CACHD1: variants seen among roughly 807,000 people sequenced by gnomAD.
CACHD1 encodes the protein cache domain containing 1, also known as VWFA and cache domain-containing protein 1.
A neutral mutation model predicts 138.7 loss-of-function variants in CACHD1; 71 were observed. The ratio of observed to expected loss-of-function variants is 0.51; its 90% confidence interval spans 0.42 to 0.62. The LOEUF is 0.62. Ranked by LOEUF, CACHD1 falls within the 20% of genes least tolerant of loss-of-function variation. The pLI, the probability that CACHD1 is intolerant of heterozygous loss-of-function variation, is 0.00. For missense variants in CACHD1, 1,389 were observed against 1,625.3 expected (o/e 0.85, Z 2.50); for synonymous variants, 578 against 591.5 (o/e 0.98, Z 0.33).
chr1:64,629,492 T>A lies in CACHD1; in HGVS notation c.644+11T>A. The A allele has an allele frequency of 1.2e-6, 2 of 1,611,124 alleles. No individual in the cohort carries two copies. Among genetic ancestry groups the A allele is most frequent in the Non-Finnish European group, 1.7e-6 (2 of 1,178,968 alleles). ...CGAACACCGCAGTAGGTATGTTGAC[T>A]TGCATGCTAAAGTTTTTAATTATTG... On this transcript the variant is annotated intron_variant, in intron 5 of 26. Transcript: ENST00000651257.
At chr1:64,540,630 C>T (rs1469342614) in intron 1 of CACHD1, among the ~76,000 whole-genome samples, 2 of 152,174 alleles carry the variant, frequency 1.3e-5, no homozygotes, top group Non-Finnish European at 2.9e-5. Flanking sequence ...CCTTTGTTCT[C>T]TGGGTTCATG....
At chr1:64,599,696 A>G (rs934035073) in intron 3 of CACHD1, among the ~76,000 whole-genome samples, 1 of 152,150 alleles carries the variant, frequency 6.6e-6, no homozygotes, top group African/African-American at 2.4e-5. Flanking sequence ...GTTTTTCTTT[A>G]ATGCTGTTAG....
At chr1:64,525,490 A>T (rs1646531324) in intron 1 of CACHD1, among the ~76,000 whole-genome samples, 1 of 152,198 alleles carries the variant, frequency 6.6e-6, no homozygotes, top group Admixed American at 6.5e-5. Flanking sequence ...AAGGCAGCCC[A>T]CTTCTTATCC....
intron 1 of CACHD1, among the ~76,000 whole-genome samples, chr1:64,492,719 A>G (rs1334459582): frequency 6.6e-6 from 1 of 152,036 alleles, no homozygotes; most frequent in Non-Finnish European, 1.5e-5. Flanking sequence ...CTGTCCAGTT[A>G]TTTTTGTCTT....
chr1:64,590,285 G>A (rs375899050), intron 3 of CACHD1, among the ~76,000 whole-genome samples: 2 of 147,188 alleles, frequency 1.4e-5, no homozygotes, highest in Non-Finnish European at 3.0e-5. Context: ...TCGGCGCCAC[G>A]GCACTCCAGC....
chr1:64,588,624 C>T (rs546258767), intron 3 of CACHD1, among the ~76,000 whole-genome samples: 2 of 152,026 alleles, frequency 1.3e-5, no homozygotes, highest in Non-Finnish European at 2.9e-5. Context: ...GTGATCTACC[C>T]GCCTCAGCCT....
intron 4 of CACHD1, among the ~76,000 whole-genome samples, 180 bp downstream of exon 4, chr1:64,603,092 C>T (rs1243852614): frequency 7.1e-6 from 1 of 140,464 alleles, no homozygotes; most frequent in Admixed American, 7.4e-5. Context: ...AAAAATCAAG[C>T]TTACATCTTT....
chr1:64,509,967 C>T (rs1453173273), intron 1 of CACHD1, among the ~76,000 whole-genome samples: 1 of 152,202 alleles, frequency 6.6e-6, no homozygotes, highest in Non-Finnish European at 1.5e-5. Flanking sequence ...CCAGATAGAA[C>T]ATGCCCCACA....
At chr1:64,666,605 A>G (rs1423037468) in intron 16 of CACHD1, among the ~76,000 whole-genome samples, 1 of 152,060 alleles carries the variant, frequency 6.6e-6, no homozygotes, top group Non-Finnish European at 1.5e-5. Context: ...GGGTGGGTTC[A>G]TTGGCTCACA....
rs548465172 is a variant in CACHD1 at position 64,516,415 on chromosome 1, T to G, written c.199-34179T>G. 4.7e-4 allele frequency among the ~76,000 whole-genome samples: 71 copies of G among 152,324 alleles called. No homozygotes were observed. The South Asian group carries it at 0.014, about 31-fold the overall frequency. On this transcript the variant is annotated intron_variant, in intron 1 of 26. Coordinates refer to ENST00000651257, the MANE Select transcript of CACHD1 (RefSeq NM_020925.4). Reference sequence around the variant, plus strand: ...TCTCTAGACTTGGAACCTGTCGTACTGCCTAACAGACCAGCTTACGGTGTT... The same window carrying G: ...TCTCTAGACTTGGAACCTGTCGTACGGCCTAACAGACCAGCTTACGGTGTT...
Position 64,470,852 on chromosome 1 carries a change from A to C in CACHD1, c.108A>C (p.Glu36Asp). 1 of 1,596,170 alleles carries C rather than the reference A, an allele frequency of 6.3e-7. No individual in the cohort carries two copies. The highest frequency in any genetic ancestry group is 8.5e-7 in the Non-Finnish European group (1 of 1,176,014). The change falls in exon 1 of 27, where the codon GAA (glutamate) becomes GAC (aspartate). Residue 36 changes from glutamate (E) to aspartate (D), a missense_variant. This residue lies in a region of CACHD1 where 1,000 missense variants were observed against 1,114.7 expected (regional missense o/e 0.90). Coordinates refer to ENST00000651257, the MANE Select transcript of CACHD1 (RefSeq NM_020925.4). The surrounding 1 kb of genome is among the most constrained non-coding windows in gnomAD (Gnocchi z 5.2). ...VACWLLGAGAEADFSILDEAQ... is the reference protein window; with the variant it reads ...VACWLLGAGADADFSILDEAQ... ...GCTGGCTCCTGGGCGCCGGGGCCGA[A>C]GCCGACTTCTCCATCCTGGACGAGG...
intron 1 of CACHD1, among the ~76,000 whole-genome samples, chr1:64,500,510 A>G (rs1646331937): frequency 1.3e-5 from 2 of 152,330 alleles, no homozygotes; most frequent in South Asian, 4.1e-4. Flanking sequence ...AACCCAGAAT[A>G]GAACTTTCAT....
intron 1 of CACHD1, among the ~76,000 whole-genome samples, chr1:64,506,737 C>T (rs956096774): frequency 1.3e-5 from 2 of 152,180 alleles, no homozygotes; most frequent in Non-Finnish European, 2.9e-5. Flanking sequence ...TTGCCCGTTA[C>T]TTACTGTGTT....
chr1:64,690,394 T>C (rs1206521215), intron 26 of CACHD1, among the ~76,000 whole-genome samples: 1 of 152,152 alleles, frequency 6.6e-6, no homozygotes, highest in Admixed American at 6.5e-5. Flanking sequence ...TAACTGTAGA[T>C]GCAATGGAAA....
chr1:64,470,900 G>A lies in CACHD1; in HGVS notation c.156G>A (p.Met52Ile). ...LDEAQVLASQ[M>I]RRLAAEELGV... ...AGGCGCAAGTGCTGGCGAGCCAGAT[G>A]CGGAGGCTGGCGGCCGAGGAGCTGG... The change falls in exon 1 of 27, where the codon ATG becomes ATA. Residue 52 changes from methionine to isoleucine, a missense_variant. Met to Ile is a conservative substitution (Grantham distance 10, BLOSUM62 1). Coordinates refer to ENST00000651257, the MANE Select transcript of CACHD1 (RefSeq NM_020925.4). The surrounding 1 kb of genome is among the most constrained non-coding windows in gnomAD (Gnocchi z 5.2). 6.2e-7 allele frequency: 1 copy of A among 1,608,890 alleles called. No homozygotes were observed. Among genetic ancestry groups the A allele is most frequent in the Non-Finnish European group, 8.5e-7 (1 of 1,178,112 alleles).
intron 1 of CACHD1, among the ~76,000 whole-genome samples, chr1:64,532,505 A>G (rs1453262171): frequency 2.6e-5 from 4 of 152,050 alleles, no homozygotes; most frequent in Admixed American, 2.6e-4. Context: ...CATCCCAAGG[A>G]GATGTGTTTC....
At chr1:64,657,849 A>C (rs1031293943) in intron 12 of CACHD1, among the ~76,000 whole-genome samples, 2 of 152,178 alleles carry the variant, frequency 1.3e-5, no homozygotes, top group African/African-American at 4.8e-5. Flanking sequence ...AACCATCTTT[A>C]AATAGGTTCA....
intron 4 of CACHD1, among the ~76,000 whole-genome samples, chr1:64,622,458 A>T (rs928331006): frequency 6.6e-6 from 1 of 152,180 alleles, no homozygotes; most frequent in Non-Finnish European, 1.5e-5. Context: ...CCAATTATGA[A>T]ATCATTTCGT....
intron 2 of CACHD1, among the ~76,000 whole-genome samples, chr1:64,571,776 A>G (rs1288510416): frequency 6.6e-6 from 1 of 152,098 alleles, no homozygotes; most frequent in African/African-American, 2.4e-5. Context: ...TGCAGCAAAC[A>G]TTTTTCTGAG....
Sources: allele counts gnomAD v4.1 joint callset (sites outside exome capture counted in the v4.1 genomes callset), GRCh38; gene constraint gnomAD v4.1.1; regional missense constraint gnomAD v4.1.1; non-coding constraint Gnocchi (gnomAD v3.1); transcripts MANE v1.5; gene names NCBI Gene and HGNC (gene_info 2026-07-23, HGNC 2026-07-21).